The following TGM6 variants were observed in gnomAD, a reference collection of about 807,000 sequenced individuals.
The protein encoded by TGM6 is transglutaminase 6.
A neutral mutation model predicts 77.5 loss-of-function variants in TGM6; 74 were observed. The observed-to-expected ratio is 0.96, with a 90% CI of 0.79 to 1.16. TGM6 has a LOEUF of 1.16. Ranked by LOEUF, TGM6 falls within the 50% of genes most tolerant of loss-of-function variation. The pLI is 0.00. For synonymous variants in TGM6, 383 were observed against 378.9 expected (o/e 1.01, Z -0.12); for missense variants, 968 against 940.2 (o/e 1.03, Z -0.39).
At chr20:2,427,117 C>A (rs531060020) in intron 10 of TGM6, among the ~76,000 whole-genome samples, 48 of 152,164 alleles carry the variant, frequency 3.2e-4, no homozygotes, top group African/African-American at 1.2e-3. Flanking sequence ...ACCAGTGAAC[C>A]CATCTGGGAT....
At chr20:2,410,718 G>C (rs373194055) in intron 9 of TGM6, among the ~76,000 whole-genome samples, 14 of 152,142 alleles carry the variant, frequency 9.2e-5, no homozygotes, top group East Asian at 5.8e-4. Flanking sequence ...TGGAGACCCA[G>C]TTGGTGTCCA....
At chr20:2,381,372 G>C (rs1243535693) in intron 1 of TGM6, among the ~76,000 whole-genome samples, 1 of 152,126 alleles carries the variant, frequency 6.6e-6, no homozygotes, top group African/African-American at 2.4e-5. Context: ...GAAGGAGTGA[G>C]AGGCCCCCAC....
chr20:2,414,910 G>A (rs1416940336), intron 9 of TGM6, among the ~76,000 whole-genome samples: 1 of 131,182 alleles, frequency 7.6e-6, no homozygotes, highest in Non-Finnish European at 1.6e-5. Flanking sequence ...GGAATGGGAA[G>A]TGACTCCTGA....
chr20:2,413,239 A>G (rs1321369644), intron 9 of TGM6, among the ~76,000 whole-genome samples: 1 of 152,140 alleles, frequency 6.6e-6, no homozygotes, highest in Non-Finnish European at 1.5e-5. Flanking sequence ...AACATGGACG[A>G]CTTCATCTCT....
chr20:2,419,763 A>G (rs2084843442), intron 10 of TGM6, among the ~76,000 whole-genome samples: 1 of 152,234 alleles, frequency 6.6e-6, no homozygotes, highest in Non-Finnish European at 1.5e-5. Flanking sequence ...AGAATTTAAC[A>G]GATCTTTAAA....
At chr20:2,406,348 C>T (rs6114061) in intron 9 of TGM6, among the ~76,000 whole-genome samples, 23,419 of 151,918 alleles carry the variant, frequency 0.15, 2,305 homozygotes, top group African/African-American at 0.29. Flanking sequence ...AAAGAATTAG[C>T]CAGGCATGGT....
chr20:2,404,183 G>A (rs982121276), intron 9 of TGM6, among the ~76,000 whole-genome samples: 4 of 152,168 alleles, frequency 2.6e-5, no homozygotes, highest in African/African-American at 7.2e-5. Context: ...GAACACCTAG[G>A]ACAAACGCAT....
At chr20:2,386,520 A>G (rs1447124579) in intron 1 of TGM6, among the ~76,000 whole-genome samples, 1 of 152,118 alleles carries the variant, frequency 6.6e-6, no homozygotes, top group Non-Finnish European at 1.5e-5. Context: ...AGAAGCTGCA[A>G]GAAGAAAGAG....
At chr20:2,424,126 G>A (rs1453608398) in intron 10 of TGM6, among the ~76,000 whole-genome samples, 1 of 152,130 alleles carries the variant, frequency 6.6e-6, no homozygotes, top group African/African-American at 2.4e-5. Flanking sequence ...AAATTTAAAT[G>A]AGCATTGGCT....
At chr20:2,396,812 G>A (rs896908369) in intron 4 of TGM6, among the ~76,000 whole-genome samples, 188 bp downstream of exon 4, 2 of 152,160 alleles carry the variant, frequency 1.3e-5, no homozygotes, top group African/African-American at 4.8e-5. Context: ...CCTGGGGAAG[G>A]GGAGGTGCTT....
chr20:2,431,431 A>T (rs556118370), intron 12 of TGM6, among the ~76,000 whole-genome samples: 1 of 152,188 alleles, frequency 6.6e-6, no homozygotes, highest in Non-Finnish European at 1.5e-5. Context: ...ACATGTTCCC[A>T]TTTGTTCATG....
At chr20:2,429,160 G>A (rs1185499956) in intron 10 of TGM6, among the ~76,000 whole-genome samples, 1 of 152,100 alleles carries the variant, frequency 6.6e-6, no homozygotes, top group Non-Finnish European at 1.5e-5. Flanking sequence ...TGTAATAAAG[G>A]TTCTTCCAAT....
At chr20:2,420,420 T>C (rs754796965) in intron 10 of TGM6, among the ~76,000 whole-genome samples, 1 of 152,186 alleles carries the variant, frequency 6.6e-6, no homozygotes, top group Non-Finnish European at 1.5e-5. Flanking sequence ...CTCCTGTTAT[T>C]AACATCTTGC....
chr20:2,391,922 C>T (rs2122339037), intron 1 of TGM6, among the ~76,000 whole-genome samples: 1 of 152,336 alleles, frequency 6.6e-6, no homozygotes, highest in Non-Finnish European at 1.5e-5. Flanking sequence ...ATGCTTCCTC[C>T]TGTCTCTCTG....
At chr20:2,389,340 A>G (rs1413448708) in intron 1 of TGM6, among the ~76,000 whole-genome samples, 1 of 152,204 alleles carries the variant, frequency 6.6e-6, no homozygotes, top group Non-Finnish European at 1.5e-5. Context: ...CTTCAGATGA[A>G]CATGGCCCCA....
At chr20:2,397,806 G>A in intron 4 of TGM6, 112 bp from the exon 5 acceptor site, 1 of 1,575,816 alleles carries the variant, frequency 6.3e-7, no homozygotes, top group Non-Finnish European at 8.7e-7. Context: ...GGTTGGAGGG[G>A]GCAGCAAACT....
chr20:2,397,120 G>T (rs2084674568), intron 4 of TGM6, among the ~76,000 whole-genome samples: 1 of 152,204 alleles, frequency 6.6e-6, no homozygotes, highest in South Asian at 2.1e-4. Context: ...GAATGATAGG[G>T]ATGGAAGCAA....
At chr20:2,420,669 A>G (rs913671333) in intron 10 of TGM6, among the ~76,000 whole-genome samples, 7 of 152,092 alleles carry the variant, frequency 4.6e-5, no homozygotes, top group African/African-American at 9.7e-5. Flanking sequence ...CTGAACCCCC[A>G]GTGACCACTG....
chr20:2,408,301 T>C (rs978717789), intron 9 of TGM6, among the ~76,000 whole-genome samples: 1 of 152,188 alleles, frequency 6.6e-6, no homozygotes, highest in African/African-American at 2.4e-5. Flanking sequence ...GGGTACAACA[T>C]GCTCTTTTAT....
Sources: allele counts gnomAD v4.1 joint callset (sites outside exome capture counted in the v4.1 genomes callset), GRCh38; gene constraint gnomAD v4.1.1; transcripts MANE v1.5; gene names NCBI Gene and HGNC (gene_info 2026-07-23, HGNC 2026-07-21).